NELL1: variants seen among roughly 807,000 people sequenced by gnomAD.
The protein encoded by NELL1 is protein kinase C-binding protein NELL1.
A neutral mutation model predicts 107.4 loss-of-function variants in NELL1; 76 were observed. That is an observed-to-expected ratio of 0.71 (90% CI 0.59 to 0.86). The LOEUF is 0.86. Among genes scored for constraint, NELL1 ranks in the 40% least tolerant of loss-of-function variants. The pLI is 0.00. For missense variants in NELL1, 1,024 were observed against 1,005.5 expected, an observed-to-expected ratio of 1.02 and a Z score of -0.25; for synonymous variants, 353 against 341.2, an observed-to-expected ratio of 1.03 and a Z score of -0.38.
chr11:20,928,319 C>T (rs1303714250), intron 8 of NELL1, 58 bp from the exon 9 acceptor site: 1 of 1,455,118 alleles, frequency 6.9e-7, no homozygotes. Flanking sequence ...ATGATCTCCA[C>T]AACAGGAGCT....
At chr11:21,313,143 G>A (rs1849787260) in intron 14 of NELL1, among the ~76,000 whole-genome samples, 5 of 152,070 alleles carry the variant, frequency 3.3e-5, no homozygotes. Context: ...GATTTATAAA[G>A]GTGAATGAGG....
chr11:21,228,900 C>G (rs1167682616), intron 13 of NELL1, among the ~76,000 whole-genome samples: 1 of 151,632 alleles, frequency 6.6e-6, no homozygotes, highest in African/African-American at 2.4e-5. Flanking sequence ...GCATTCCTGG[C>G]CTTTATTCCC....
At chr11:20,920,521 T>C (rs915515082) in intron 7 of NELL1, among the ~76,000 whole-genome samples, 9 of 152,092 alleles carry the variant, frequency 5.9e-5, no homozygotes, top group African/African-American at 2.2e-4. Context: ...GCTTTTCGCT[T>C]CAGAGTATAG....
intron 17 of NELL1, among the ~76,000 whole-genome samples, chr11:21,570,553 T>C (rs1857076434): frequency 6.6e-6 from 1 of 151,906 alleles, no homozygotes; most frequent in Non-Finnish European, 1.5e-5. Context: ...TTGTTAAACT[T>C]AAAAATGTTC....
chr11:21,183,776 A>T (rs1041886727), intron 13 of NELL1, among the ~76,000 whole-genome samples: 1 of 151,820 alleles, frequency 6.6e-6, no homozygotes, highest in Non-Finnish European at 1.5e-5. Context: ...TTATTTTAAT[A>T]ATGTGATTGG....
Position 20,695,136 on chromosome 11 carries a change from T to C in NELL1, c.184+17076T>C, listed in dbSNP as rs1437556442. Among the ~76,000 whole-genome samples, 7 of 152,262 alleles carry C rather than the reference T, an allele frequency of 4.6e-5. No individual in the cohort carries two copies. The South Asian group carries it at 1.0e-3, about 23-fold the overall frequency. On this transcript the variant is annotated intron_variant, in intron 2 of 19. Coordinates refer to ENST00000357134, the MANE Select transcript of NELL1 (RefSeq NM_006157.5). ...TAAAAATGTTACTGATTTTTATACA[T>C]TGATTTTCTCTCCTGAAAGTTTACT...
rs539167977 is a variant in NELL1 at position 21,443,127 on chromosome 11, T to C, written c.1645+72179T>C. Among the ~76,000 whole-genome samples the C allele has an allele frequency of 1.3e-3, 205 of 152,222 alleles. 1 individual carries two copies. Among genetic ancestry groups the C allele is most frequent in the Middle Eastern group, 3.4e-3 (1 of 294 alleles). Reference sequence around the variant, plus strand: ...GACGGGACATATCCAGTGAGGGTTTTCTTGCTGTGTCTTAACATAGTAAAA... The same window carrying C: ...GACGGGACATATCCAGTGAGGGTTTCCTTGCTGTGTCTTAACATAGTAAAA... On this transcript the variant is annotated intron_variant, in intron 15 of 19. Coordinates refer to ENST00000357134, the MANE Select transcript of NELL1 (RefSeq NM_006157.5).
intron 4 of NELL1, among the ~76,000 whole-genome samples, chr11:20,852,822 G>A (rs1848816294): frequency 6.6e-6 from 1 of 152,180 alleles, no homozygotes; most frequent in Admixed American, 6.5e-5. Flanking sequence ...AGCAGCTTCA[G>A]GTTGTCTAGG....
intron 12 of NELL1, among the ~76,000 whole-genome samples, chr11:21,097,081 A>G (rs1274486428): frequency 6.6e-6 from 1 of 152,028 alleles, no homozygotes. Context: ...AATTCAGACT[A>G]ACCTCCAGGT....
At chr11:21,187,081 T>G (rs1031393566) in intron 13 of NELL1, among the ~76,000 whole-genome samples, 1 of 151,942 alleles carries the variant, frequency 6.6e-6, no homozygotes, top group African/African-American at 2.4e-5. Flanking sequence ...TGGCGGAATA[T>G]TTAGCACATG....
intron 13 of NELL1, among the ~76,000 whole-genome samples, chr11:21,139,554 G>A (rs1035583675): frequency 1.3e-5 from 2 of 152,128 alleles, no homozygotes; most frequent in African/African-American, 4.8e-5. Context: ...ATCATGATCT[G>A]TCTCTTCCAC....
intron 2 of NELL1, among the ~76,000 whole-genome samples, chr11:20,737,684 C>G (rs147808001): frequency 0.012 from 1,857 of 152,018 alleles, 36 homozygotes; most frequent in African/African-American, 0.042. Context: ...TTATACATCT[C>G]CTACTACTAG....
chr11:20,749,199 G>A (rs2133943088), intron 2 of NELL1, among the ~76,000 whole-genome samples: 1 of 152,300 alleles, frequency 6.6e-6, no homozygotes, highest in East Asian at 1.9e-4. Context: ...AGCAGGGGAT[G>A]TCACACAGTA....
chr11:20,840,631 T>G (rs1848604294), intron 3 of NELL1, among the ~76,000 whole-genome samples: 1 of 152,238 alleles, frequency 6.6e-6, no homozygotes, highest in African/African-American at 2.4e-5. Context: ...TTGGACTTCT[T>G]ACAAGGTGAC....
chr11:20,700,093 C>T (rs1362907590), intron 2 of NELL1, among the ~76,000 whole-genome samples: 1 of 151,544 alleles, frequency 6.6e-6, no homozygotes, highest in African/African-American at 2.4e-5. Flanking sequence ...TAGTCCTTGA[C>T]AAAGCAAGCT....
At chr11:21,136,561 G>A (rs1044032501) in intron 13 of NELL1, among the ~76,000 whole-genome samples, 1 of 152,090 alleles carries the variant, frequency 6.6e-6, no homozygotes, top group African/African-American at 2.4e-5. Context: ...GGTGGCACAG[G>A]AAATGACTCT....
At chr11:21,183,560 T>G (rs1856871974) in intron 13 of NELL1, among the ~76,000 whole-genome samples, 1 of 151,754 alleles carries the variant, frequency 6.6e-6, no homozygotes, top group South Asian at 2.1e-4. Context: ...CTGGTGAGAT[T>G]ATCATTAATT....
chr11:21,514,496 G>A (rs1201886098), intron 15 of NELL1, among the ~76,000 whole-genome samples: 1 of 152,190 alleles, frequency 6.6e-6, no homozygotes, highest in Non-Finnish European at 1.5e-5. Flanking sequence ...GAGTCCATGC[G>A]CCACCTAAAG....
intron 14 of NELL1, among the ~76,000 whole-genome samples, chr11:21,278,521 T>G (rs1848921229): frequency 6.6e-6 from 1 of 152,096 alleles, no homozygotes; most frequent in Non-Finnish European, 1.5e-5. Context: ...AATTTAAAAT[T>G]AAAAACAATG....
Sources: allele counts gnomAD v4.1 joint callset (sites outside exome capture counted in the v4.1 genomes callset), GRCh38; gene constraint gnomAD v4.1.1; transcripts MANE v1.5; gene names NCBI Gene and HGNC (gene_info 2026-07-23, HGNC 2026-07-21).